SPAG16: variants seen among roughly 807,000 people sequenced by gnomAD.
SPAG16 encodes sperm-associated antigen 16 protein.
Under a neutral mutation model 80.4 loss-of-function variants are expected in SPAG16, and 86 were observed. The ratio of observed to expected loss-of-function variants is 1.07; its 90% CI spans 0.90 to 1.28. The LOEUF (loss-of-function observed/expected upper bound fraction) is 1.28. Among genes scored for constraint, SPAG16 ranks in the 50% most tolerant of loss-of-function variants. SPAG16 has a pLI of 0.00. For missense variants in SPAG16, 870 were observed against 765.3 expected (o/e 1.14, Z -1.61); for synonymous variants, 294 against 265.9 (o/e 1.11, Z -1.03).
chr2:214,019,961 G>T (rs2047776764), intron 13 of SPAG16, among the ~76,000 whole-genome samples: 1 of 152,060 alleles, frequency 6.6e-6, no homozygotes, highest in African/African-American at 2.4e-5. Flanking sequence ...CTATAGCTTT[G>T]GTTTTTCTGT....
intron 14 of SPAG16, among the ~76,000 whole-genome samples, chr2:214,137,849 C>T (rs986704794): frequency 2.0e-5 from 3 of 152,050 alleles, no homozygotes; most frequent in Admixed American, 2.0e-4. Flanking sequence ...CTACATCCAC[C>T]AGTAATACAA....
intron 11 of SPAG16, among the ~76,000 whole-genome samples, chr2:213,890,705 C>T (rs2076753653): frequency 6.6e-6 from 1 of 151,870 alleles, no homozygotes; most frequent in African/African-American, 2.4e-5. Flanking sequence ...TGTTAATTAG[C>T]TGCCTATTAA....
At chr2:213,301,711 C>T (rs1270053444) in intron 3 of SPAG16, among the ~76,000 whole-genome samples, 1 of 152,046 alleles carries the variant, frequency 6.6e-6, no homozygotes, top group South Asian at 2.1e-4. Context: ...GTTTATCTCC[C>T]CTCTACGTAA....
chr2:214,357,815 G>T (rs927828300), intron 15 of SPAG16, among the ~76,000 whole-genome samples: 12 of 151,836 alleles, frequency 7.9e-5, no homozygotes, highest in African/African-American at 2.9e-4. Flanking sequence ...GATTTAAAGA[G>T]ATTCCTCTAG....
intron 12 of SPAG16, among the ~76,000 whole-genome samples, chr2:213,940,696 G>A (rs1405494242): frequency 6.6e-6 from 1 of 152,064 alleles, no homozygotes; most frequent in Non-Finnish European, 1.5e-5. Context: ...ATATGTCTAT[G>A]CAAAACTATA....
intron 10 of SPAG16, among the ~76,000 whole-genome samples, chr2:213,676,840 T>A (rs1156953821): frequency 1.1e-4 from 16 of 150,966 alleles, no homozygotes; most frequent in Non-Finnish European, 1.5e-4. Flanking sequence ...TGGTCTAAAA[T>A]TCTCTTTTTT....
chr2:213,759,738 T>C (rs1339180573), intron 10 of SPAG16, among the ~76,000 whole-genome samples: 1 of 152,078 alleles, frequency 6.6e-6, no homozygotes, highest in African/African-American at 2.4e-5. Flanking sequence ...CTATAAGCTA[T>C]AACGAATTCA....
chr2:213,423,196 C>A (rs1422632539), intron 9 of SPAG16, among the ~76,000 whole-genome samples: 1 of 152,168 alleles, frequency 6.6e-6, no homozygotes, highest in African/African-American at 2.4e-5. Flanking sequence ...CCAGTACATT[C>A]TTGCTATCTA....
chr2:214,340,263 T>C (rs1246424064), intron 15 of SPAG16, among the ~76,000 whole-genome samples: 2 of 152,196 alleles, frequency 1.3e-5, no homozygotes, highest in Non-Finnish European at 1.5e-5. Context: ...ATTCACAGCA[T>C]ATGGGAAGGG....
chr2:214,204,428 A>T (rs2058088871), intron 15 of SPAG16, among the ~76,000 whole-genome samples: 1 of 152,216 alleles, frequency 6.6e-6, no homozygotes, highest in South Asian at 2.1e-4. Flanking sequence ...AGTCCACTTC[A>T]TTCCCCTGCC....
chr2:213,398,388 C>T (rs1316859056), intron 9 of SPAG16, among the ~76,000 whole-genome samples: 1 of 152,102 alleles, frequency 6.6e-6, no homozygotes, highest in Non-Finnish European at 1.5e-5. Flanking sequence ...CTCTGAGGCC[C>T]TACATTACCT....
intron 15 of SPAG16, among the ~76,000 whole-genome samples, chr2:214,366,339 T>C (rs1699479343): frequency 6.6e-6 from 1 of 152,204 alleles, no homozygotes; most frequent in African/African-American, 2.4e-5. Context: ...ACTGTGACTA[T>C]GGTCGTAGCA....
In SPAG16 at chr2:214,299,926, A is replaced by C. The variant is rs180809785; in HGVS notation, c.1721-110214A>C. 2.5e-3 allele frequency among the ~76,000 whole-genome samples: 377 copies of C among 152,308 alleles called. 2 individuals are homozygous for C. The highest frequency in any genetic ancestry group is 8.7e-3 in the African/African-American group (362 of 41,568). Reference sequence around the variant, plus strand: ...TTACGGTTCAGTAACTTTGTAAAGAAATTGCATAGACAAGGTACAAGGCCA... The same window carrying C: ...TTACGGTTCAGTAACTTTGTAAAGACATTGCATAGACAAGGTACAAGGCCA... On this transcript the variant is annotated intron_variant, in intron 15 of 15. Transcript: ENST00000331683.
At chr2:213,345,758 G>A (rs986412062) in intron 6 of SPAG16, among the ~76,000 whole-genome samples, 8 of 151,196 alleles carry the variant, frequency 5.3e-5, no homozygotes, top group Non-Finnish European at 1.0e-4. Flanking sequence ...TTTGGTACCA[G>A]TACCGTGCTG....
intron 11 of SPAG16, among the ~76,000 whole-genome samples, chr2:213,896,093 A>G (rs986226943): frequency 2.0e-5 from 3 of 152,094 alleles, no homozygotes; most frequent in African/African-American, 7.2e-5. Flanking sequence ...AGCTCAAACA[A>G]CTCAATAGCA....
At chr2:214,100,261 AC>A (rs1462492658) in intron 13 of SPAG16, among the ~76,000 whole-genome samples, 1 of 151,968 alleles carries the variant, frequency 6.6e-6, no homozygotes, top group Non-Finnish European at 1.5e-5. Context: ...TCTATAAATT[AC>A]CCAGTCTCAG....
chr2:213,459,260 C>T (rs1020839522), intron 9 of SPAG16, among the ~76,000 whole-genome samples: 1 of 152,066 alleles, frequency 6.6e-6, no homozygotes, highest in Admixed American at 6.5e-5. Context: ...TACAGTCTTA[C>T]GTTTCATATG....
At position 213,573,205 on chromosome 2, in the gene SPAG16, G is replaced by T. The variant is rs1259004; in HGVS notation, c.1070+83115G>T. ...GCAGAAATCACCGTCTTCTGCGTCGGTCACGCTGGGAGCTGTAGACCGGAG... is the reference window on the plus strand; with the variant it reads ...GCAGAAATCACCGTCTTCTGCGTCGTTCACGCTGGGAGCTGTAGACCGGAG... On this transcript the variant is annotated intron_variant, in intron 10 of 15. Coordinates refer to ENST00000331683, the MANE Select transcript of SPAG16 (RefSeq NM_024532.5). Among the ~76,000 whole-genome samples the T allele has an allele frequency of 8.8e-4, 134 of 152,226 alleles. 1 individual carries two copies. The highest frequency in any genetic ancestry group is 3.0e-3 in the African/African-American group (125 of 41,518).
Position 214,118,431 on chromosome 2 carries a change from G to A in SPAG16, c.1593+10170G>A, listed in dbSNP as rs538608313. On this transcript the variant is annotated intron_variant, in intron 14 of 15. Transcript: ENST00000331683. Reference sequence around the variant, plus strand: ...AGTCTCTTCTCACACTGCTATAAAGGACTGCCTGAGACTGAATAATTTATA... The same window carrying A: ...AGTCTCTTCTCACACTGCTATAAAGAACTGCCTGAGACTGAATAATTTATA... 4.5e-4 allele frequency among the ~76,000 whole-genome samples: 68 copies of A among 152,172 alleles called. No individual in the cohort carries two copies. The South Asian group carries it at 6.0e-3, about 13-fold the overall frequency.
Sources: allele counts gnomAD v4.1 joint callset (sites outside exome capture counted in the v4.1 genomes callset), GRCh38; gene constraint gnomAD v4.1.1; transcripts MANE v1.5; gene names NCBI Gene and HGNC (gene_info 2026-07-23, HGNC 2026-07-21).